Variants in TOGARAM2 observed in about 807,000 individuals in gnomAD.
TOGARAM2 encodes TOG array regulator of axonemal microtubules protein 2.
A neutral mutation model predicts 93.3 loss-of-function variants in TOGARAM2; 85 were observed. The ratio of observed to expected loss-of-function variants is 0.91; its 90% confidence interval spans 0.76 to 1.09. The LOEUF is 1.09. Ranked by LOEUF, TOGARAM2 falls within the 50% of genes least tolerant of loss-of-function variation. The probability of loss-of-function intolerance (pLI) is 0.00; values close to 1 mark genes in which losing one functional copy is unlikely to be tolerated. For synonymous variants in TOGARAM2, 593 were observed against 552.8 expected (o/e 1.07, Z -1.02); for missense variants, 1,277 against 1,334.5 (o/e 0.96, Z 0.67).
In TOGARAM2 at chr2:28,998,135, G is replaced by A; in HGVS notation, c.29-8G>A. ...TCAGGTGCTGCTCTCCTGTGCTTCT[G>A]TCTCCAGCCAAGGTCCTGGTCCCCG... On this transcript the variant is annotated splice_polypyrimidine_tract_variant and splice_region_variant and intron_variant, in intron 2 of 19. Coordinates refer to ENST00000379558, the MANE Select transcript of TOGARAM2 (RefSeq NM_199280.4). The A allele has an allele frequency of 1.3e-6, 2 of 1,592,612 alleles. No individual in the cohort carries two copies. The highest frequency in any genetic ancestry group is 8.6e-7 in the Non-Finnish European group (1 of 1,168,960).
At chr2:29,017,374 T>C in intron 9 of TOGARAM2, 70 bp downstream of exon 9, 2 of 1,367,254 alleles carry the variant, frequency 1.5e-6, no homozygotes, top group Non-Finnish European at 1.9e-6. Flanking sequence ...AGCCTGCTGA[T>C]GGGCCCATTT....
At chr2:29,019,108 A>G (rs1350537879) in intron 10 of TOGARAM2, among the ~76,000 whole-genome samples, 1 of 152,076 alleles carries the variant, frequency 6.6e-6, no homozygotes, top group Non-Finnish European at 1.5e-5. Context: ...TATGGCAAAA[A>G]TCATGAAAGT....
intron 18 of TOGARAM2, among the ~76,000 whole-genome samples, chr2:29,039,780 T>A (rs1054262622): frequency 6.6e-6 from 1 of 152,186 alleles, no homozygotes; most frequent in Non-Finnish European, 1.5e-5. Context: ...TCAGGGGAAT[T>A]ATTCTGGGAT....
At chr2:29,045,570 A>G (rs117606674) in intron 19 of TOGARAM2, 160 bp downstream of exon 19, 1 of 659,284 alleles carries the variant, frequency 1.5e-6, no homozygotes, top group Non-Finnish European at 2.7e-6. Context: ...GACAATCTCC[A>G]TATTGCCAGA....
At chr2:28,963,930 C>A (rs769488130) in intron 1 of TOGARAM2, among the ~76,000 whole-genome samples, 1 of 152,054 alleles carries the variant, frequency 6.6e-6, no homozygotes, top group East Asian at 1.9e-4. Flanking sequence ...TTGCTTGAAC[C>A]CAGGAGGTGG....
upstream of TOGARAM2, among the ~76,000 whole-genome samples, chr2:28,976,341 A>G (rs13388655): frequency 0.44 from 66,108 of 151,936 alleles, 16,205 homozygotes; most frequent in Non-Finnish European, 0.55. Context: ...ACTGCACTCC[A>G]GCCTGGGCGA....
At chr2:29,032,574 C>T (rs918984184) in intron 14 of TOGARAM2, among the ~76,000 whole-genome samples, 2 of 151,992 alleles carry the variant, frequency 1.3e-5, no homozygotes, top group Non-Finnish European at 2.9e-5. Flanking sequence ...TATTTTGTAG[C>T]CATTAAAAAG....
intron 14 of TOGARAM2, among the ~76,000 whole-genome samples, chr2:29,028,279 G>A (rs565902505): frequency 1.1e-4 from 16 of 152,262 alleles, no homozygotes; most frequent in South Asian, 8.3e-4. Flanking sequence ...AGACATTCTC[G>A]TAGGGTACCC....
At chr2:28,957,052 C>T (rs1255077864) in intron 1 of TOGARAM2, among the ~76,000 whole-genome samples, 3 of 149,162 alleles carry the variant, frequency 2.0e-5, no homozygotes, top group Admixed American at 6.7e-5. Context: ...TGCAGTGAGC[C>T]GAGATCGCGC....
intron 8 of TOGARAM2, 109 bp downstream of exon 8, chr2:29,014,670 A>T: frequency 7.2e-7 from 1 of 1,394,054 alleles, no homozygotes; most frequent in Non-Finnish European, 9.5e-7. Context: ...CACAGAGCAG[A>T]GCAAGGAGAG....
At chr2:28,990,991 GGTGTGTGTGTGTGTGTGTGTGTGT>G (rs70958233) in intron 1 of TOGARAM2, among the ~76,000 whole-genome samples, 5 of 119,812 alleles carry the variant, frequency 4.2e-5, no homozygotes, top group Admixed American at 1.7e-4. Context: ...GTGTGTGAAG[GGTGTGTGTGTGTGTGTGTGTGTGT>G]GTGTGTGTGT....
intron 11 of TOGARAM2, 22 bp downstream of exon 11, chr2:29,022,330 G>T (rs777583918): frequency 6.2e-7 from 1 of 1,613,174 alleles, no homozygotes; most frequent in Non-Finnish European, 8.5e-7. Flanking sequence ...CTTCCACCAC[G>T]TGCTGTGTTC....
rs142726093 is a variant in TOGARAM2 at position 29,022,610 on chromosome 2, T to C, written c.1511+302T>C. Among the ~76,000 whole-genome samples, 375 of 152,360 alleles carry C rather than the reference T, an allele frequency of 2.5e-3. 1 individual carries two copies. The highest frequency in any genetic ancestry group is 7.3e-3 in the African/African-American group (304 of 41,578). ...CAAGGATGCATTTGATTCCACACCATGGGGCCCAGGAAGGCCGCAGCCCTT... is the reference window on the plus strand; with the variant it reads ...CAAGGATGCATTTGATTCCACACCACGGGGCCCAGGAAGGCCGCAGCCCTT... On this transcript the variant is annotated intron_variant, in intron 11 of 19. Coordinates refer to ENST00000379558, the MANE Select transcript of TOGARAM2 (RefSeq NM_199280.4).
At position 29,033,560 on chromosome 2, in the gene TOGARAM2, A is replaced by AG. The variant is rs768287770; in HGVS notation, c.2225+1dup. 4.3e-6 allele frequency: 7 copies of AG among 1,612,738 alleles called. No homozygotes were observed. Among genetic ancestry groups the AG allele is most frequent in the Non-Finnish European group, 5.1e-6 (6 of 1,179,524 alleles). ...TGTGAGAACGGGCTGCCCATCAAGG[A>AG]GGGGTATGGCTGCTCCTGTATCTCT... On this transcript the variant is annotated frameshift_variant, in exon 16 of 20. Coordinates refer to ENST00000379558, the MANE Select transcript of TOGARAM2 (RefSeq NM_199280.4). LOFTEE classifies it high-confidence loss of function.
chr2:29,012,490 A>T (rs1664316708), intron 7 of TOGARAM2, among the ~76,000 whole-genome samples: 1 of 152,114 alleles, frequency 6.6e-6, no homozygotes, highest in South Asian at 2.1e-4. Flanking sequence ...ACCCTGAGTG[A>T]CCTTAAGAGC....
At chr2:28,997,808 C>A (rs1029042504) in intron 2 of TOGARAM2, among the ~76,000 whole-genome samples, 4 of 151,896 alleles carry the variant, frequency 2.6e-5, no homozygotes, top group Non-Finnish European at 5.9e-5. Flanking sequence ...CTCCATCGGT[C>A]AATGATGTTG....
At chr2:28,995,195 C>T (rs1039554938) in intron 2 of TOGARAM2, among the ~76,000 whole-genome samples, 5 of 152,176 alleles carry the variant, frequency 3.3e-5, no homozygotes, top group African/African-American at 9.7e-5. Context: ...GGATATGGGC[C>T]GGGCCCTCAG....
rs926989345 is a variant in TOGARAM2 at position 29,002,611 on chromosome 2, T to A, written c.503T>A (p.Leu168Gln). 5 of 1,613,962 alleles carry A rather than the reference T, an allele frequency of 3.1e-6. No individual in the cohort carries two copies. Among genetic ancestry groups the A allele is most frequent in the South Asian group, 1.1e-5 (1 of 91,066 alleles). The change falls in exon 5 of 20, where the codon CTG (leucine) becomes CAG (glutamine). Residue 168 changes from leucine to glutamine, a missense_variant. Leu to Gln is a moderately radical substitution (Grantham distance 113). Transcript: ENST00000379558. The part of the protein sequence containing the change: ...STIPRATSQR[L>Q]LRVPRPMPLI... ...ATCCCCCGAGCCACCTCTCAGAGGCTGCTGAGGGTGCCCAGGCCGATGCCT... is the reference window on the plus strand; with the variant it reads ...ATCCCCCGAGCCACCTCTCAGAGGCAGCTGAGGGTGCCCAGGCCGATGCCT...
intron 1 of TOGARAM2, among the ~76,000 whole-genome samples, chr2:28,973,622 A>C (rs1450008011): frequency 6.6e-6 from 1 of 151,874 alleles, no homozygotes; most frequent in Non-Finnish European, 1.5e-5. Flanking sequence ...TCCTAGGCTC[A>C]AGCAATCCTC....
Sources: allele counts gnomAD v4.1 joint callset (sites outside exome capture counted in the v4.1 genomes callset), GRCh38; gene constraint gnomAD v4.1.1; transcripts MANE v1.5; gene names NCBI Gene and HGNC (gene_info 2026-07-23, HGNC 2026-07-21).